Variants in CLASP1 observed in about 807,000 individuals in gnomAD.
The protein encoded by CLASP1 is CLIP-associating protein 1.
CLASP1 carries 38 observed loss-of-function variants against 192.3 expected under a neutral mutation model. The observed-to-expected ratio is 0.20, with a 90% CI of 0.15 to 0.26. CLASP1 has a LOEUF of 0.26. Ranked by LOEUF, CLASP1 falls within the 10% of genes least tolerant of loss-of-function variation. CLASP1 has a pLI of 1.00. For synonymous variants in CLASP1, 691 were observed against 712.8 expected (o/e 0.97, Z 0.49); for missense variants, 1,433 against 1,932.5 (o/e 0.74, Z 4.85).
At chr2:121,534,117 T>C (rs754371335) in intron 2 of CLASP1, among the ~76,000 whole-genome samples, 1 of 152,194 alleles carries the variant, frequency 6.6e-6, no homozygotes, top group Non-Finnish European at 1.5e-5. Flanking sequence ...TTTACAGATA[T>C]AAGCCTGCAA....
chr2:121,337,954 C>CCCA (rs1491458978), exon 40 of CLASP1: 2 of 114,282 alleles, frequency 1.8e-5, no homozygotes, highest in African/African-American at 6.5e-5. Flanking sequence ...CCCCCCCCCC[C>CCCA]AAAAAAACCC....
chr2:121,534,309 G>A (rs192723644), intron 2 of CLASP1, among the ~76,000 whole-genome samples: 2 of 152,308 alleles, frequency 1.3e-5, no homozygotes, highest in East Asian at 3.9e-4. Flanking sequence ...ACTTTAGGAG[G>A]AGAGTGAGTT....
At chr2:121,421,424 GT>G (rs1340623581) in intron 22 of CLASP1, among the ~76,000 whole-genome samples, 9 of 151,734 alleles carry the variant, frequency 5.9e-5, no homozygotes, top group Admixed American at 5.9e-4. Flanking sequence ...ATTTTTTGTA[GT>G]TTAGTAGGGA....
intron 22 of CLASP1, among the ~76,000 whole-genome samples, chr2:121,423,177 AAT>A (rs1462331991): frequency 6.6e-6 from 1 of 152,142 alleles, no homozygotes; most frequent in East Asian, 1.9e-4. Context: ...ATTTAAAGAA[AAT>A]ATCTTCTTTA....
rs115257527 is a variant in CLASP1, at chr2:121,432,078, C to T, written c.1913-1901G>A. Among the ~76,000 whole-genome samples the T allele has an allele frequency of 6.3e-3, 956 of 152,236 alleles. 13 individuals are homozygous for T. Among genetic ancestry groups the T allele is most frequent in the African/African-American group, 0.021 (882 of 41,548 alleles). ...ACTAGTCAATGTGTCCATACCTACA[C>T]GACATCACAATACTGTGATTAGCTT... On this transcript the variant is annotated intron_variant, in intron 19 of 39. Transcript: ENST00000263710.
At position 121,478,617 on chromosome 2, in the gene CLASP1, C is replaced by CCA. The variant is rs1168914344; in HGVS notation, c.713-8659_713-8658dup. Among the ~76,000 whole-genome samples the CCA allele has an allele frequency of 3.7e-4, 50 of 134,714 alleles. No individual in the cohort carries two copies. In the East Asian group the frequency reaches 7.8e-3, roughly 21 times the overall value. 88.4% of individuals were successfully genotyped at this position (134,714 alleles called of 152,430 possible). On this transcript the variant is annotated intron_variant, in intron 8 of 39. Coordinates refer to ENST00000263710, the Ensembl canonical transcript of CLASP1. ...CTCCGTCTCAAAACACACACACACA[C>CCA]CACACACACACATACACACACACAC...
chr2:121,342,793 T>C (rs1282939370), intron 39 of CLASP1, among the ~76,000 whole-genome samples: 2 of 152,082 alleles, frequency 1.3e-5, no homozygotes, highest in Non-Finnish European at 2.9e-5. Context: ...AAAAATTAGC[T>C]GGGATTATGT....
At chr2:121,433,462 T>G (rs751772071) in intron 19 of CLASP1, among the ~76,000 whole-genome samples, 3 of 152,120 alleles carry the variant, frequency 2.0e-5, no homozygotes, top group African/African-American at 7.2e-5. Context: ...TTAATAAATT[T>G]TAAAGTAATA....
intron 39 of CLASP1, among the ~76,000 whole-genome samples, chr2:121,343,488 AAAGG>A (rs2063043043): frequency 6.6e-6 from 1 of 152,216 alleles, no homozygotes; most frequent in Non-Finnish European, 1.5e-5. Context: ...TCAGTCTTGA[AAAGG>A]AAGGAAATTC....
At chr2:121,631,566 G>A (rs537287433) in intron 1 of CLASP1, among the ~76,000 whole-genome samples, 4 of 151,998 alleles carry the variant, frequency 2.6e-5, no homozygotes, top group East Asian at 2.0e-4. Flanking sequence ...GATTACAGGC[G>A]TAAGCCACCA....
In CLASP1 at chr2:121,470,348, C is replaced by T. The variant is rs540491818; in HGVS notation, c.713-388G>A. 7.1e-5 allele frequency: 32 copies of T among 449,064 alleles called. 1 individual carries two copies. The highest frequency in any genetic ancestry group is 4.5e-4 in the South Asian group (29 of 64,020). The allele number at this position is 449,064 out of a possible 1,614,324, so 27.8% of individuals were successfully genotyped here. ...AGACAGAGTCTCACTGTCACTCAAT[C>T]CTCCCTCCTTGGCCTCTCAAGGTGC... is the stretch of plus-strand genomic sequence containing the variant. On this transcript the variant is annotated intron_variant, in intron 8 of 39. Transcript: ENST00000263710.
chr2:121,493,517 A>G (rs2093406495), intron 8 of CLASP1, among the ~76,000 whole-genome samples: 1 of 152,238 alleles, frequency 6.6e-6, no homozygotes, highest in East Asian at 1.9e-4. Flanking sequence ...AAAGAGTTAA[A>G]CCTAAGACCT....
intron 34 of CLASP1, among the ~76,000 whole-genome samples, 197 bp downstream of exon 35, chr2:121,377,302 A>G (rs1188138673): frequency 6.6e-6 from 1 of 152,260 alleles, no homozygotes; most frequent in Non-Finnish European, 1.5e-5. Flanking sequence ...CATTCTACAC[A>G]TGTATCAAAA....
intron 34 of CLASP1, 33 bp downstream of exon 35, chr2:121,377,466 T>C (rs779513335): frequency 1.3e-5 from 20 of 1,544,212 alleles, no homozygotes; most frequent in East Asian, 9.1e-5. Context: ...ATTTAACTCA[T>C]ACAGAGTTCT....
Position 121,635,378 on chromosome 2 carries a change from A to G in CLASP1, c.-286+13994T>C, listed in dbSNP as rs143834036. 2.0e-3 allele frequency among the ~76,000 whole-genome samples: 312 copies of G among 152,276 alleles called. 1 individual carries two copies. The highest frequency in any genetic ancestry group is 6.0e-3 in the African/African-American group (249 of 41,546). ...AATTCCTTCCTTTGTTTCCACTATT[A>G]ATAATAAATGTCTTCTAAAAAAGAC... On this transcript the variant is annotated intron_variant, in intron 1 of 39. Transcript: ENST00000263710.
intron 30 of CLASP1, among the ~76,000 whole-genome samples, chr2:121,390,219 G>C (rs1052993066): frequency 6.6e-6 from 1 of 152,160 alleles, no homozygotes; most frequent in African/African-American, 2.4e-5. Context: ...CATTAAACAA[G>C]TAATTCCAGA....
At chr2:121,342,559 C>G (rs2062916267) in intron 39 of CLASP1, among the ~76,000 whole-genome samples, 1 of 152,076 alleles carries the variant, frequency 6.6e-6, no homozygotes, top group East Asian at 1.9e-4. Context: ...AAACTTTTAT[C>G]TTAAGGAACT....
At chr2:121,528,221 C>G (rs1018118713) in intron 4 of CLASP1, among the ~76,000 whole-genome samples, 3 of 151,590 alleles carry the variant, frequency 2.0e-5, no homozygotes, top group African/African-American at 7.3e-5. Flanking sequence ...CACACTCACA[C>G]TGGCCTCTGT....
Position 121,465,708 on chromosome 2 carries a change from G to A in CLASP1, c.866-3103C>T, listed in dbSNP as rs574370180. On this transcript the variant is annotated intron_variant, in intron 9 of 39. Coordinates refer to ENST00000263710, the Ensembl canonical transcript of CLASP1. ...ATGGAACCACAAAAGAGCCCGCATC[G>A]CCAAGTCAATCCTAAGCCAAAAGAA... Among the ~76,000 whole-genome samples, 571 of 152,230 alleles carry A rather than the reference G, an allele frequency of 3.8e-3. 6 individuals are homozygous for A. Among genetic ancestry groups the A allele is most frequent in the African/African-American group, 0.013 (528 of 41,532 alleles).
Sources: allele counts gnomAD v4.1 joint callset (sites outside exome capture counted in the v4.1 genomes callset), GRCh38; gene constraint gnomAD v4.1.1; transcripts MANE v1.5; gene names NCBI Gene and HGNC (gene_info 2026-07-23, HGNC 2026-07-21).